GNG2: variants seen among roughly 807,000 people sequenced by gnomAD.
GNG2 encodes the protein G protein subunit gamma 2, also known as guanine nucleotide-binding protein G(I)/G(S)/G(O) subunit gamma-2.
In GNG2, 5 loss-of-function variants were observed where a neutral mutation model predicts 5.5. The observed-to-expected ratio is 0.91, with a 90% confidence interval of 0.48 to 1.92. GNG2 has a LOEUF of 1.92. Among genes scored for constraint, GNG2 ranks in the 30% most tolerant of loss-of-function variants. The probability of loss-of-function intolerance (pLI) is 0.01; values close to 1 mark genes in which losing one functional copy is unlikely to be tolerated. For synonymous variants in GNG2, 28 were observed against 32.0 expected (o/e 0.88, Z 0.42); for missense variants, 55 against 88.4 (o/e 0.62, Z 1.52).
rs551102179 is a variant in GNG2 at position 51,925,532 on chromosome 14, C to T, written c.-29-25118C>T. Among the ~76,000 whole-genome samples the T allele has an allele frequency of 2.6e-5, 4 of 152,270 alleles. No individual in the cohort carries two copies. In the East Asian group the frequency reaches 7.7e-4, roughly 29 times the overall value. On this transcript the variant is annotated intron_variant, in intron 2 of 3. Transcript: ENST00000556766. ...ATTAGGAAGCGCTCAGAATCTGCTC[C>T]TCTGAAAATCGGAGGATACTGCCTT...
At chr14:51,853,915 G>A (rs1040204558) in intron 2 of GNG2, among the ~76,000 whole-genome samples, 1 of 150,404 alleles carries the variant, frequency 6.6e-6, no homozygotes, top group African/African-American at 2.5e-5. Context: ...TTTTGGGACA[G>A]AGTCTCGCTC....
intron 2 of GNG2, among the ~76,000 whole-genome samples, chr14:51,906,914 C>A (rs543646074): frequency 7.2e-4 from 110 of 152,072 alleles, no homozygotes; most frequent in African/African-American, 2.7e-3. Flanking sequence ...CGCCACCACA[C>A]CCGGCTAATT....
rs372811211 is a variant in GNG2, at chr14:51,950,811, C to T, written c.87+46C>T. ...CACTTCATCTAGCGTGAGTCTAAGG[C>T]GCATGTCATGTGACCACTCTTTCCT... is the stretch of plus-strand genomic sequence containing the variant. On this transcript the variant is annotated intron_variant, in intron 3 of 3. Coordinates refer to ENST00000556766, the MANE Select transcript of GNG2 (RefSeq NM_053064.5). 3.1e-5 allele frequency: 37 copies of T among 1,186,202 alleles called. No homozygotes were observed. In the African/African-American group the frequency reaches 3.1e-4, roughly 10 times the overall value. The allele number at this position is 1,186,202 out of a possible 1,614,324, so 73.5% of individuals were successfully genotyped here. A position where few individuals can be genotyped will look rare whatever the true frequency, so the allele number is the denominator to read the frequency against.
intron 3 of GNG2, among the ~76,000 whole-genome samples, chr14:51,959,237 A>G (rs900346925): frequency 6.6e-6 from 1 of 152,098 alleles, no homozygotes; most frequent in East Asian, 1.9e-4. Flanking sequence ...TACCAAATTT[A>G]TAGCTCTAGC....
intron 2 of GNG2, among the ~76,000 whole-genome samples, chr14:51,889,198 C>T (rs55646526): frequency 0.33 from 49,908 of 150,484 alleles, 9,137 homozygotes; most frequent in Non-Finnish European, 0.42. Flanking sequence ...CTGCAACCTC[C>T]GACTCCTGAG....
At chr14:51,935,030 T>C (rs1021105483) in intron 2 of GNG2, among the ~76,000 whole-genome samples, 1 of 149,658 alleles carries the variant, frequency 6.7e-6, no homozygotes, top group Non-Finnish European at 1.5e-5. Context: ...TCTTTCTTTT[T>C]TTTTTTTTTT....
At chr14:51,901,963 T>TAAAAAAA (rs34308582) in intron 2 of GNG2, among the ~76,000 whole-genome samples, 1 of 56,426 alleles carries the variant, frequency 1.8e-5, no homozygotes, top group African/African-American at 6.6e-5. Flanking sequence ...TAACAATCTG[T>TAAAAAAA]AAAAAAAAAA....
intron 2 of GNG2, among the ~76,000 whole-genome samples, chr14:51,914,817 T>C (rs1328749405): frequency 6.6e-6 from 1 of 152,216 alleles, no homozygotes; most frequent in Non-Finnish European, 1.5e-5. Flanking sequence ...TGGTCTTTGA[T>C]GCTGACGAGA....
chr14:51,955,009 A>G (rs1043494734), intron 3 of GNG2, among the ~76,000 whole-genome samples: 2 of 152,214 alleles, frequency 1.3e-5, no homozygotes, highest in African/African-American at 4.8e-5. Context: ...GGGAATGGGA[A>G]TCATTGTAAG....
intron 2 of GNG2, among the ~76,000 whole-genome samples, chr14:51,908,569 T>G (rs894691329): frequency 4.2e-4 from 64 of 151,294 alleles, no homozygotes; most frequent in South Asian, 6.3e-4. Flanking sequence ...TATCCATATA[T>G]ATAGAGAGAG....
intron 3 of GNG2, among the ~76,000 whole-genome samples, chr14:51,964,275 C>A (rs1334880793): frequency 2.6e-5 from 4 of 152,208 alleles, no homozygotes; most frequent in African/African-American, 7.2e-5. Context: ...AGGGACCAAC[C>A]AAGCTGATGC....
rs554891382 is a variant in GNG2, at chr14:51,948,582, C to T, written c.-29-2068C>T. Among the ~76,000 whole-genome samples, 38 of 152,250 alleles carry T rather than the reference C, an allele frequency of 2.5e-4. No homozygotes were observed. The South Asian group carries it at 7.9e-3, about 32-fold the overall frequency. Reference sequence around the variant, plus strand: ...TCTATCTTGGCCCTATGAAGTCTTCCTAGGCTGTTAGATGTTTGTTTAATT... The same window carrying T: ...TCTATCTTGGCCCTATGAAGTCTTCTTAGGCTGTTAGATGTTTGTTTAATT... On this transcript the variant is annotated intron_variant, in intron 2 of 3. Transcript: ENST00000556766.
At chr14:51,855,337 T>C (rs2748146) in intron 2 of GNG2, among the ~76,000 whole-genome samples, 17,218 of 152,126 alleles carry the variant, frequency 0.11, 2,284 homozygotes, top group African/African-American at 0.32. Flanking sequence ...GGCCAGGCAC[T>C]CTCTCTCCAG....
intron 1 of GNG2, among the ~76,000 whole-genome samples, chr14:51,871,898 A>T (rs1883319132): frequency 6.6e-6 from 1 of 152,208 alleles, no homozygotes. Context: ...TTTCCTTTCC[A>T]GCTCAGGATA....
intron 2 of GNG2, among the ~76,000 whole-genome samples, chr14:51,914,495 G>A (rs926686503): frequency 6.6e-5 from 10 of 152,296 alleles, no homozygotes; most frequent in East Asian, 1.9e-4. Flanking sequence ...GTTAAGTCCC[G>A]TGTAGAATTA....
intron 2 of GNG2, among the ~76,000 whole-genome samples, chr14:51,839,450 A>C (rs1881424137): frequency 6.6e-6 from 1 of 152,062 alleles, no homozygotes; most frequent in Non-Finnish European, 1.5e-5. Context: ...GGAGGTATCT[A>C]CCTTTTTTGT....
intron 2 of GNG2, among the ~76,000 whole-genome samples, chr14:51,853,417 A>G (rs539795060): frequency 1.2e-4 from 18 of 152,360 alleles, no homozygotes; most frequent in African/African-American, 4.1e-4. Flanking sequence ...AGAAAATTCA[A>G]AATGAGAACC....
intron 2 of GNG2, among the ~76,000 whole-genome samples, chr14:51,878,354 A>G (rs147133282): frequency 3.5e-4 from 53 of 152,306 alleles, no homozygotes; most frequent in African/African-American, 1.3e-3. Flanking sequence ...AGAGAGAATA[A>G]TATAATGAAC....
At chr14:51,962,736 C>T (rs1889687199) in intron 3 of GNG2, among the ~76,000 whole-genome samples, 1 of 152,112 alleles carries the variant, frequency 6.6e-6, no homozygotes, top group Admixed American at 6.5e-5. Flanking sequence ...TTGGGGAAAT[C>T]TTCATGGAAG....
Sources: allele counts gnomAD v4.1 joint callset (sites outside exome capture counted in the v4.1 genomes callset), GRCh38; gene constraint gnomAD v4.1.1; transcripts MANE v1.5; gene names NCBI Gene and HGNC (gene_info 2026-07-23, HGNC 2026-07-21).